The following GRID2 variants were observed in gnomAD, a reference collection of about 807,000 sequenced individuals.
The protein encoded by GRID2 is glutamate receptor ionotropic, delta-2.
A neutral mutation model predicts 114.8 loss-of-function variants in GRID2; 33 were observed. The ratio of observed to expected loss-of-function variants is 0.29; its 90% CI spans 0.22 to 0.38. The LOEUF is 0.38. GRID2 is among the 10% of genes least tolerant of loss of function. The probability of loss-of-function intolerance (pLI) is 1.00; values close to 1 mark genes in which losing one functional copy is unlikely to be tolerated. For synonymous variants in GRID2, 505 were observed against 449.9 expected, an observed-to-expected ratio of 1.12 and a Z score of -1.55; for missense variants, 1,184 against 1,257.7, an observed-to-expected ratio of 0.94 and a Z score of 0.89.
At chr4:92,395,831 A>G (rs1469662877) in intron 1 of GRID2, among the ~76,000 whole-genome samples, 2 of 151,894 alleles carry the variant, frequency 1.3e-5, no homozygotes, top group African/African-American at 2.4e-5. Context: ...AGTAACTAAT[A>G]AATGAGTAAT....
At chr4:92,962,061 G>C (rs1488138169) in intron 2 of GRID2, among the ~76,000 whole-genome samples, 1 of 151,660 alleles carries the variant, frequency 6.6e-6, no homozygotes, top group Non-Finnish European at 1.5e-5. Context: ...TTGCCCATCT[G>C]TTCTTACATG....
At chr4:92,468,060 T>G (rs1297645970) in intron 1 of GRID2, among the ~76,000 whole-genome samples, 1 of 152,010 alleles carries the variant, frequency 6.6e-6, no homozygotes, top group Non-Finnish European at 1.5e-5. Context: ...ACTGTGTCAC[T>G]TTTTTCCATA....
At chr4:93,685,909 C>T (rs1726035261) in intron 14 of GRID2, among the ~76,000 whole-genome samples, 1 of 150,194 alleles carries the variant, frequency 6.7e-6, no homozygotes, top group African/African-American at 2.5e-5. Context: ...TCTCAGCCTC[C>T]TTTTCTCTAA....
rs769457006 is a variant in GRID2 at position 93,216,784 on chromosome 4, G to C, written c.836G>C (p.Gly279Ala). ...DVQELVRRSI[G>A]RLTIIRQTFP... Reference sequence around the variant, plus strand: ...CAGGAACTTGTAAGAAGGTCAATTGGAAGGTTAACGATTATTCGGCAGACA... The same window carrying C: ...CAGGAACTTGTAAGAAGGTCAATTGCAAGGTTAACGATTATTCGGCAGACA... Residue 279 changes from glycine to alanine, a missense_variant, in exon 6 of 16, where the codon GGA becomes GCA. By Grantham distance (60) the Gly-to-Ala change is moderately conservative. Transcript: ENST00000282020. 6.2e-7 allele frequency: 1 copy of C among 1,612,554 alleles called. No individual in the cohort carries two copies. The highest frequency in any genetic ancestry group is 1.1e-5 in the South Asian group (1 of 91,042).
At chr4:93,626,642 C>T (rs1051318793) in intron 14 of GRID2, among the ~76,000 whole-genome samples, 5 of 152,066 alleles carry the variant, frequency 3.3e-5, no homozygotes, top group South Asian at 4.2e-4. Flanking sequence ...CCATAAGTAG[C>T]GGGAAAAATA....
chr4:92,620,557 A>G (rs1730220777), intron 2 of GRID2, among the ~76,000 whole-genome samples: 1 of 151,760 alleles, frequency 6.6e-6, no homozygotes, highest in Non-Finnish European at 1.5e-5. Flanking sequence ...AGAACATAGA[A>G]GGAAAGACAG....
chr4:92,316,270 G>A (rs972245199), intron 1 of GRID2, among the ~76,000 whole-genome samples: 1 of 152,066 alleles, frequency 6.6e-6, no homozygotes, highest in Non-Finnish European at 1.5e-5. Flanking sequence ...TAGAAGCATG[G>A]CCTATATAAG....
intron 14 of GRID2, among the ~76,000 whole-genome samples, chr4:93,739,974 GAC>G: frequency 6.6e-6 from 1 of 152,192 alleles, no homozygotes; most frequent in Middle Eastern, 3.4e-3. Context: ...TTTCTTGAAA[GAC>G]AAATTTTAAG....
At chr4:93,605,136 T>G (rs1460178673) in intron 13 of GRID2, among the ~76,000 whole-genome samples, 1 of 152,198 alleles carries the variant, frequency 6.6e-6, no homozygotes, top group Non-Finnish European at 1.5e-5. Flanking sequence ...AAATCATACT[T>G]TTCCATAGGA....
At chr4:92,519,601 T>TTA (rs141787614) in intron 1 of GRID2, among the ~76,000 whole-genome samples, 11,590 of 149,494 alleles carry the variant, frequency 0.078, 663 homozygotes, top group African/African-American at 0.16. Context: ...ATATATGAGA[T>TTA]TATATATATA....
chr4:93,125,128 A>G (rs1028241915), intron 4 of GRID2, among the ~76,000 whole-genome samples: 1 of 152,030 alleles, frequency 6.6e-6, no homozygotes, highest in Non-Finnish European at 1.5e-5. Context: ...GTTGCTGGAT[A>G]TTCAGATTAT....
Position 92,428,409 on chromosome 4 carries a change from T to G in GRID2, c.88+123665T>G, listed in dbSNP as rs902693643. ...GTTTTCTTTTTTCTCTCTTAACTTC[T>G]GATATTTCCTTCGGTAATCCTGTTA... On this transcript the variant is annotated intron_variant, in intron 1 of 15. Coordinates refer to ENST00000282020, the MANE Select transcript of GRID2 (RefSeq NM_001510.4). 3.9e-5 allele frequency among the ~76,000 whole-genome samples: 6 copies of G among 152,266 alleles called. No individual in the cohort carries two copies. In the South Asian group the frequency reaches 1.2e-3, roughly 32 times the overall value.
intron 1 of GRID2, among the ~76,000 whole-genome samples, chr4:92,536,756 C>T (rs1464303025): frequency 6.6e-6 from 1 of 151,998 alleles, no homozygotes; most frequent in Non-Finnish European, 1.5e-5. Context: ...TCCTTAAATG[C>T]AAATCGTCTG....
chr4:93,779,974 G>C (rs1399359448), intron 1 of GRID2, among the ~76,000 whole-genome samples: 1 of 152,218 alleles, frequency 6.6e-6, no homozygotes, highest in Non-Finnish European at 1.5e-5. Flanking sequence ...GCCCTGCTGT[G>C]TGCAAGACAC....
chr4:93,081,482 A>G (rs952066047), intron 2 of GRID2, among the ~76,000 whole-genome samples: 5 of 152,172 alleles, frequency 3.3e-5, no homozygotes, highest in Non-Finnish European at 7.4e-5. Flanking sequence ...AGTGACCACA[A>G]AGGGCAAAAG....
intron 13 of GRID2, among the ~76,000 whole-genome samples, chr4:93,568,192 A>C (rs1039997399): frequency 6.6e-6 from 1 of 152,208 alleles, no homozygotes; most frequent in Non-Finnish European, 1.5e-5. Context: ...ATTGACTGAG[A>C]TAATAGGATA....
At chr4:92,662,637 G>C (rs1389203202) in intron 2 of GRID2, among the ~76,000 whole-genome samples, 3 of 151,118 alleles carry the variant, frequency 2.0e-5, no homozygotes, top group African/African-American at 7.3e-5. Flanking sequence ...ATATTATTGT[G>C]AATCGTTTTT....
chr4:93,428,947 T>C (rs948186820), intron 10 of GRID2, among the ~76,000 whole-genome samples: 6 of 152,074 alleles, frequency 3.9e-5, no homozygotes, highest in African/African-American at 1.4e-4. Context: ...GAGTAGGACA[T>C]TGGAAAAGCA....
chr4:93,674,388 G>T (rs570598332), intron 14 of GRID2, among the ~76,000 whole-genome samples: 1 of 152,116 alleles, frequency 6.6e-6, no homozygotes, highest in Admixed American at 6.5e-5. Context: ...GTACAATGCT[G>T]TGCAGTCTCT....
Sources: allele counts gnomAD v4.1 joint callset (sites outside exome capture counted in the v4.1 genomes callset), GRCh38; gene constraint gnomAD v4.1.1; transcripts MANE v1.5; gene names NCBI Gene and HGNC (gene_info 2026-07-23, HGNC 2026-07-21).